AGAP1: variants seen among roughly 807,000 people sequenced by gnomAD.
AGAP1 encodes arf-GAP with GTPase, ANK repeat and PH domain-containing protein 1.
A neutral mutation model predicts 105.3 loss-of-function variants in AGAP1; 29 were observed. The observed-to-expected ratio is 0.28, with a 90% CI of 0.21 to 0.38. The LOEUF is 0.38. AGAP1 is among the 10% of genes least tolerant of loss of function. AGAP1 has a pLI of 1.00. For synonymous variants in AGAP1, 509 were observed against 485.9 expected, an observed-to-expected ratio of 1.05 and a Z score of -0.63; for missense variants, 998 against 1,165.1, an observed-to-expected ratio of 0.86 and a Z score of 2.09.
intron 9 of AGAP1, among the ~76,000 whole-genome samples, chr2:235,831,396 A>G (rs1040170017): frequency 6.6e-6 from 1 of 152,188 alleles, no homozygotes; most frequent in Non-Finnish European, 1.5e-5. Flanking sequence ...CAAATGTATA[A>G]TGAGCTGTAT....
In AGAP1 at chr2:235,875,553, G is replaced by A. The variant is rs1471976922; in HGVS notation, c.1051-7792G>A. ...GGAACACTTGTGCTTTGAAGGCTGCGATTGGACACGTGATTCCCAGCACGT... is the reference window on the plus strand; with the variant it reads ...GGAACACTTGTGCTTTGAAGGCTGCAATTGGACACGTGATTCCCAGCACGT... On this transcript the variant is annotated intron_variant, in intron 9 of 17. Transcript: ENST00000304032. The surrounding 1 kb of genome is among the most constrained non-coding windows in gnomAD (Gnocchi z 4.0). Among the ~76,000 whole-genome samples, 1 of 152,174 alleles carries A rather than the reference G, an allele frequency of 6.6e-6. No homozygotes were observed. The highest frequency in any genetic ancestry group is 1.5e-5 in the Non-Finnish European group (1 of 68,036).
In AGAP1 at chr2:236,021,363, A is replaced by T. The variant is rs569998092; in HGVS notation, c.1646-15198A>T. Among the ~76,000 whole-genome samples, 692 of 152,184 alleles carry T rather than the reference A, an allele frequency of 4.5e-3. 4 individuals carry two copies. Among genetic ancestry groups the T allele is most frequent in the Middle Eastern group, 6.8e-3 (2 of 294 alleles). On this transcript the variant is annotated intron_variant, in intron 13 of 17. Transcript: ENST00000304032. ...AGGAGAGGAAGCCCTCACCGTGGAC[A>T]GTGGAGGGTGCCGCTGAAGATTCCT...
intron 1 of AGAP1, among the ~76,000 whole-genome samples, chr2:235,545,263 G>A (rs551190553): frequency 6.6e-6 from 1 of 152,322 alleles, no homozygotes; most frequent in South Asian, 2.1e-4. Context: ...AGCGTTAAGT[G>A]TTCAAGAGTG....
rs539624415 is a variant in AGAP1, at chr2:235,725,562, C to G, written c.310+7918C>G. Reference sequence around the variant, plus strand: ...AGTAACATTTGACTAGTCGTGAAATCTAGCCATTTAGATTTTTCAACCTCA... The same window carrying G: ...AGTAACATTTGACTAGTCGTGAAATGTAGCCATTTAGATTTTTCAACCTCA... On this transcript the variant is annotated intron_variant, in intron 3 of 17. Coordinates refer to ENST00000304032, the MANE Select transcript of AGAP1 (RefSeq NM_001037131.3). This position sits in a 1 kb window ranked among gnomAD's most constrained non-coding sequence, Gnocchi z 5.7. Among the ~76,000 whole-genome samples the G allele has an allele frequency of 6.6e-6, 1 of 150,840 alleles. No homozygotes were observed.
At chr2:236,007,435 TGG>T (rs2056359512) in intron 13 of AGAP1, among the ~76,000 whole-genome samples, 1 of 152,032 alleles carries the variant, frequency 6.6e-6, no homozygotes, top group South Asian at 2.1e-4. Flanking sequence ...TCAAGAAGGG[TGG>T]TTGTTTGCCA....
chr2:235,917,431 G>A (rs1187327111), intron 11 of AGAP1, among the ~76,000 whole-genome samples: 3 of 152,126 alleles, frequency 2.0e-5, no homozygotes, highest in African/African-American at 7.2e-5. Flanking sequence ...GAATATTAAT[G>A]TGATCGGACT....
chr2:235,580,351 G>T (rs1286178540), intron 1 of AGAP1, among the ~76,000 whole-genome samples: 6 of 152,014 alleles, frequency 3.9e-5, no homozygotes, highest in Non-Finnish European at 7.4e-5. Context: ...TGGTGAGAAT[G>T]AAGACGTGCC....
rs1576323298 is a variant in AGAP1, at chr2:236,107,958, T to A, written c.2115-12234T>A. On this transcript the variant is annotated intron_variant, in intron 16 of 17. Coordinates refer to ENST00000304032, the MANE Select transcript of AGAP1 (RefSeq NM_001037131.3). ...CCCTGCAGGTTGGCAAAAACACTCATAATATTGATCAGAAGTCAGGCGGGA... is the reference window on the plus strand; with the variant it reads ...CCCTGCAGGTTGGCAAAAACACTCAAAATATTGATCAGAAGTCAGGCGGGA... 1.3e-5 allele frequency among the ~76,000 whole-genome samples: 2 copies of A among 152,354 alleles called. 1 individual carries two copies. Among genetic ancestry groups the A allele is most frequent in the Middle Eastern group, 6.8e-3 (2 of 294 alleles).
chr2:235,496,854 C>T (rs1333454709), intron 1 of AGAP1, among the ~76,000 whole-genome samples: 4 of 151,944 alleles, frequency 2.6e-5, no homozygotes, highest in East Asian at 3.9e-4. Flanking sequence ...CCTTCTTGGC[C>T]GGGATCCTTG....
rs1237793073 is a variant in AGAP1 at position 235,705,959 on chromosome 2, T to G, written c.164-3220T>G. ...TCAGCAGTGCATTGATGAATAGAGCTCATTTTAATTCACAGTTTACCCTCT... is the reference window on the plus strand; with the variant it reads ...TCAGCAGTGCATTGATGAATAGAGCGCATTTTAATTCACAGTTTACCCTCT... On this transcript the variant is annotated intron_variant, in intron 1 of 17. Transcript: ENST00000304032. The surrounding 1 kb of genome is among the most constrained non-coding windows in gnomAD (Gnocchi z 4.9). Among the ~76,000 whole-genome samples, 1 of 152,232 alleles carries G rather than the reference T, an allele frequency of 6.6e-6. No homozygotes were observed. The highest frequency in any genetic ancestry group is 1.5e-5 in the Non-Finnish European group (1 of 68,048).
chr2:235,886,370 T>C (rs1387882689), intron 10 of AGAP1, among the ~76,000 whole-genome samples: 2 of 152,278 alleles, frequency 1.3e-5, no homozygotes, highest in African/African-American at 4.8e-5. Flanking sequence ...GGATGTTTGC[T>C]GCTTCTTGCC....
In AGAP1 at chr2:235,740,100, G is replaced by A. The variant is rs1297383691; in HGVS notation, c.311-863G>A. Among the ~76,000 whole-genome samples the A allele has an allele frequency of 1.3e-5, 2 of 152,144 alleles. No individual in the cohort carries two copies. The highest frequency in any genetic ancestry group is 4.8e-5 in the African/African-American group (2 of 41,442). The stretch of plus-strand genomic sequence containing the variant: ...GTCTCAGAGCCCAGGATCTGGAGGG[G>A]GACGTCTGTCATTGGAGAAGGCAGA... On this transcript the variant is annotated intron_variant, in intron 3 of 17. Transcript: ENST00000304032. This position sits in a 1 kb window ranked among gnomAD's most constrained non-coding sequence, Gnocchi z 5.7.
chr2:235,907,212 A>G (rs2051349043), intron 10 of AGAP1, among the ~76,000 whole-genome samples: 1 of 152,322 alleles, frequency 6.6e-6, no homozygotes, highest in East Asian at 1.9e-4. Flanking sequence ...ATCTCTCTGC[A>G]TCGGGTAACT....
chr2:235,932,831 G>A (rs2052787633), intron 12 of AGAP1, among the ~76,000 whole-genome samples: 1 of 152,228 alleles, frequency 6.6e-6, no homozygotes. Context: ...CAGAGCCTCC[G>A]TTTGGTTGGA....
chr2:235,992,885 C>T lies in AGAP1; in HGVS notation c.1645+24262C>T, dbSNP rs1475197217. Among the ~76,000 whole-genome samples, 4 of 152,240 alleles carry T rather than the reference C, an allele frequency of 2.6e-5. No homozygotes were observed. The highest frequency in any genetic ancestry group is 2.1e-4 in the South Asian group (1 of 4,820). ...TGAGCTTGTGTTGGCCTCTTTCCGT[C>T]GTGAACCATGGACGTCTCTCCTTGA... On this transcript the variant is annotated intron_variant, in intron 13 of 17. Coordinates refer to ENST00000304032, the MANE Select transcript of AGAP1 (RefSeq NM_001037131.3). The surrounding 1 kb of genome is among the most constrained non-coding windows in gnomAD (Gnocchi z 4.8).
At position 236,076,192 on chromosome 2, in the gene AGAP1, G is replaced by A. The variant is rs1010730137; in HGVS notation, c.2114+26911G>A. 4.6e-5 allele frequency among the ~76,000 whole-genome samples: 7 copies of A among 152,194 alleles called. No individual in the cohort carries two copies. The highest frequency in any genetic ancestry group is 8.8e-5 in the Non-Finnish European group (6 of 68,040). ...AGGCGGGGCGCCGTGGCTCATGCCT[G>A]TAATCCCAGCACTTTGAGAGGCCAA... On this transcript the variant is annotated intron_variant, in intron 16 of 17. Transcript: ENST00000304032. The surrounding 1 kb of genome is among the most constrained non-coding windows in gnomAD (Gnocchi z 4.4).
intron 2 of AGAP1, among the ~76,000 whole-genome samples, chr2:235,711,747 G>GC (rs1358647766): frequency 6.6e-6 from 1 of 152,170 alleles, no homozygotes; most frequent in Non-Finnish European, 1.5e-5. Context: ...ACTGAAGAAA[G>GC]CGCTGCTTTG....
In AGAP1 at chr2:236,105,586, C is replaced by T. The variant is rs1486111974; in HGVS notation, c.2115-14606C>T. Among the ~76,000 whole-genome samples the T allele has an allele frequency of 7.2e-5, 10 of 139,306 alleles. No homozygotes were observed. The East Asian group carries it at 1.9e-3, about 27-fold the overall frequency. The allele number at this position is 139,306 out of a possible 152,430, so 91.4% of individuals were successfully genotyped here. A position where few individuals can be genotyped will look rare whatever the true frequency, so the allele number is the denominator to read the frequency against. On this transcript the variant is annotated intron_variant, in intron 16 of 17. Coordinates refer to ENST00000304032, the MANE Select transcript of AGAP1 (RefSeq NM_001037131.3). The surrounding 1 kb of genome is among the most constrained non-coding windows in gnomAD (Gnocchi z 4.2). ...TTTTTTTTTTTTTGAGACACAGTCT[C>T]GCTCTGTCACCCAGGCTGCAGTGCA...
intron 1 of AGAP1, among the ~76,000 whole-genome samples, chr2:235,510,205 C>T (rs927989837): frequency 6.6e-6 from 1 of 151,378 alleles, no homozygotes; most frequent in Non-Finnish European, 1.5e-5. Flanking sequence ...GCATTTGAAT[C>T]ATCATGAAAC....
Sources: gnomAD v4.1 joint callset for allele counts (sites outside exome capture counted in the v4.1 genomes callset) on GRCh38, gnomAD v4.1.1 for gene constraint, Gnocchi (gnomAD v3.1) non-coding constraint, MANE v1.5 for transcripts, NCBI Gene and HGNC (gene_info 2026-07-23, HGNC 2026-07-21) for gene names.